The following AKAIN1 variants were observed in gnomAD, a reference collection of about 807,000 sequenced individuals.
AKAIN1 encodes the protein A-kinase anchor protein inhibitor 1.
A neutral mutation model predicts 3.7 loss-of-function variants in AKAIN1; 3 were observed. The observed-to-expected ratio is 0.82, with a 90% CI of 0.37 to 2.12. The LOEUF is 2.12. Among genes scored for constraint, AKAIN1 ranks in the 30% most tolerant of loss-of-function variants. The pLI is 0.06. For missense variants in AKAIN1, 82 were observed against 82.7 expected (o/e 0.99, Z 0.03); for synonymous variants, 31 against 30.8 (o/e 1.01, Z -0.02).
intron 1 of AKAIN1, 78 bp from the exon 2 acceptor site, chr18:5,145,833 A>C: frequency 1.6e-6 from 2 of 1,261,144 alleles, no homozygotes; most frequent in South Asian, 2.8e-5. Flanking sequence ...TAGAGGAGAA[A>C]GATGGGAGGG....
intron 1 of AKAIN1, among the ~76,000 whole-genome samples, chr18:5,175,260 G>A (rs1231558615): frequency 3.3e-5 from 5 of 152,068 alleles, no homozygotes; most frequent in African/African-American, 9.7e-5. Context: ...AGTGGCTCAT[G>A]ATGCATGTGA....
chr18:5,189,682 C>CAT (rs1333922534), intron 1 of AKAIN1, among the ~76,000 whole-genome samples: 1 of 152,066 alleles, frequency 6.6e-6, no homozygotes, highest in Non-Finnish European at 1.5e-5. Flanking sequence ...CTTTACCATC[C>CAT]ATATTTCTAC....
chr18:5,183,891 G>C (rs1363367121), intron 1 of AKAIN1, among the ~76,000 whole-genome samples: 5 of 152,044 alleles, frequency 3.3e-5, no homozygotes, highest in Non-Finnish European at 7.4e-5. Flanking sequence ...ACAACCAATA[G>C]TACTGTAACT....
chr18:5,178,367 C>A (rs568129135), intron 1 of AKAIN1, among the ~76,000 whole-genome samples: 36 of 151,968 alleles, frequency 2.4e-4, no homozygotes, highest in African/African-American at 7.5e-4. Context: ...TAGCAAGACC[C>A]CATCTCAAAA....
intron 1 of AKAIN1, among the ~76,000 whole-genome samples, chr18:5,150,628 C>T (rs1316997749): frequency 6.6e-6 from 1 of 152,176 alleles, no homozygotes; most frequent in Non-Finnish European, 1.5e-5. Context: ...TCCTGCTTCT[C>T]TATGATCACC....
At chr18:5,170,522 C>G (rs936603025) in intron 1 of AKAIN1, 6 of 152,058 alleles carry the variant, frequency 3.9e-5, no homozygotes, top group Admixed American at 3.9e-4. Flanking sequence ...TGTACAGTCC[C>G]CTGGCACATT....
At chr18:5,188,950 T>C (rs780702261) in intron 1 of AKAIN1, among the ~76,000 whole-genome samples, 6 of 152,206 alleles carry the variant, frequency 3.9e-5, no homozygotes, top group Non-Finnish European at 7.3e-5. Context: ...CTTTGAAATC[T>C]AGGTGGAAAA....
Position 5,184,869 on chromosome 18 carries a change from A to G in AKAIN1, c.16+12169T>C, listed in dbSNP as rs142465426. On this transcript the variant is annotated intron_variant, in intron 1 of 1. Coordinates refer to ENST00000434239, the MANE Select transcript of AKAIN1 (RefSeq NM_001145194.2). Reference sequence around the variant, plus strand: ...TTTAAAACTCATATGGAACCAAAAAATGGTCCTGAATAGCCAAGGTAATCC... The same window carrying G: ...TTTAAAACTCATATGGAACCAAAAAGTGGTCCTGAATAGCCAAGGTAATCC... Among the ~76,000 whole-genome samples, 3 of 152,302 alleles carry G rather than the reference A, an allele frequency of 2.0e-5. No homozygotes were observed. In the East Asian group the frequency reaches 5.8e-4, roughly 29 times the overall value.
In AKAIN1 at chr18:5,179,417, A is replaced by G. The variant is rs532024710; in HGVS notation, c.16+17621T>C. Among the ~76,000 whole-genome samples the G allele has an allele frequency of 3.0e-4, 31 of 101,848 alleles. No individual in the cohort carries two copies. In the South Asian group the frequency reaches 7.3e-3, roughly 24 times the overall value. 66.8% of individuals were successfully genotyped at this position (101,848 alleles called of 152,430 possible). A position where few individuals can be genotyped will look rare whatever the true frequency, so the allele number is the denominator to read the frequency against. On this transcript the variant is annotated intron_variant, in intron 1 of 1. Coordinates refer to ENST00000434239, the MANE Select transcript of AKAIN1 (RefSeq NM_001145194.2). ...GCTGAGTATATGTATGTATGTATGT[A>G]TGTGTGTATATATATATATATGTAT...
chr18:5,168,852 G>A (rs2071181439), intron 1 of AKAIN1, among the ~76,000 whole-genome samples: 1 of 146,722 alleles, frequency 6.8e-6, no homozygotes, highest in Non-Finnish European at 1.5e-5. Context: ...TTCCTCATAT[G>A]AGGCAATTCA....
chr18:5,143,018 C>T lies in AKAIN1; in HGVS notation c.*2544G>A, dbSNP rs181383387. Reference sequence around the variant, plus strand: ...CCCTAGGGGCAGGCAACAGAGAAGACGAACAGCTGAACACACAGAGATGGG... The same window carrying T: ...CCCTAGGGGCAGGCAACAGAGAAGATGAACAGCTGAACACACAGAGATGGG... On this transcript the variant is annotated 3_prime_UTR_variant, in exon 2 of 2. Coordinates refer to ENST00000434239, the MANE Select transcript of AKAIN1 (RefSeq NM_001145194.2). Among the ~76,000 whole-genome samples, 39 of 152,194 alleles carry T rather than the reference C, an allele frequency of 2.6e-4. No individual in the cohort carries two copies. Among genetic ancestry groups the T allele is most frequent in the Non-Finnish European group, 7.4e-5 (5 of 68,006 alleles).
chr18:5,180,720 A>G (rs2071253044), intron 1 of AKAIN1, among the ~76,000 whole-genome samples: 1 of 152,126 alleles, frequency 6.6e-6, no homozygotes, highest in Non-Finnish European at 1.5e-5. Context: ...TCTCTTCTAC[A>G]GTATGGCAAT....
intron 1 of AKAIN1, among the ~76,000 whole-genome samples, chr18:5,165,054 G>A (rs187947006): frequency 6.6e-6 from 1 of 152,102 alleles, no homozygotes; most frequent in East Asian, 1.9e-4. Flanking sequence ...ATTCCCTGCT[G>A]TGTACAATTG....
Position 5,144,463 on chromosome 18 carries a change from T to G in AKAIN1, c.*1099A>C, listed in dbSNP as rs1276075652. 1.3e-5 allele frequency among the ~76,000 whole-genome samples: 2 copies of G among 152,210 alleles called. No individual in the cohort carries two copies. The highest frequency in any genetic ancestry group is 4.8e-5 in the African/African-American group (2 of 41,456). ...CTCACAGAAGTGGAGCAGGGATTGATCCTGTTGCTGCACAGATAACTTTAT... is the reference window on the plus strand; with the variant it reads ...CTCACAGAAGTGGAGCAGGGATTGAGCCTGTTGCTGCACAGATAACTTTAT... On this transcript the variant is annotated 3_prime_UTR_variant, in exon 2 of 2. Transcript: ENST00000434239.
rs564246138 is a variant in AKAIN1 at position 5,156,244 on chromosome 18, T to C, written c.17-10489A>G. 1.6e-4 allele frequency among the ~76,000 whole-genome samples: 24 copies of C among 151,988 alleles called. No individual in the cohort carries two copies. The South Asian group carries it at 4.2e-3, about 26-fold the overall frequency. On this transcript the variant is annotated intron_variant, in intron 1 of 1. Transcript: ENST00000434239. ...ACTATGAGTGATTTTAAAGGAATCT[T>C]CAAAAACAAACAAAAAAAACACCCC... is the stretch of plus-strand genomic sequence containing the variant.
chr18:5,147,303 A>G (rs2071054718), intron 1 of AKAIN1, among the ~76,000 whole-genome samples: 2 of 152,286 alleles, frequency 1.3e-5, no homozygotes, highest in South Asian at 4.2e-4. Context: ...AAAAAGTAAT[A>G]TACCTTGTTT....
chr18:5,173,625 C>A (rs539187081), intron 1 of AKAIN1, among the ~76,000 whole-genome samples: 4 of 152,080 alleles, frequency 2.6e-5, no homozygotes, highest in Non-Finnish European at 5.9e-5. Flanking sequence ...CTAGGTGTGG[C>A]GCATAATGAT....
At position 5,145,724 on chromosome 18, in the gene AKAIN1, C is replaced by T. The variant is rs2071045353; in HGVS notation, c.48G>A (p.Val16=). 2.6e-6 allele frequency: 4 copies of T among 1,551,534 alleles called. No homozygotes were observed. Among genetic ancestry groups the T allele is most frequent in the Middle Eastern group, 1.7e-4 (1 of 5,990 alleles). ...GEKPGNEPEE[V]KLQNASKQIV... is the part of the protein sequence containing the mutation. ...TCTGTTTGCTGGCATTCTGCAGCTT[C>T]ACCTCTTCAGGCTCATTTCCAGGTT... Residue 16 remains valine, a synonymous_variant, in exon 2 of 2, where the codon GTG becomes GTA. Coordinates refer to ENST00000434239, the MANE Select transcript of AKAIN1 (RefSeq NM_001145194.2).
chr18:5,177,240 T>C (rs1234723727), intron 1 of AKAIN1, among the ~76,000 whole-genome samples: 2 of 152,178 alleles, frequency 1.3e-5, no homozygotes, highest in African/African-American at 4.8e-5. Context: ...ATAATGTTTC[T>C]CTTTAAATCA....
Sources: gnomAD v4.1 joint callset for allele counts (sites outside exome capture counted in the v4.1 genomes callset) on GRCh38, gnomAD v4.1.1 for gene constraint, MANE v1.5 for transcripts, NCBI Gene and HGNC (gene_info 2026-07-23, HGNC 2026-07-21) for gene names.